The following TRPM3 variants were observed in gnomAD, a reference collection of about 807,000 sequenced individuals.
The protein encoded by TRPM3 is transient receptor potential cation channel subfamily M member 3, also known as long transient receptor potential channel 3.
In TRPM3, 77 loss-of-function variants were observed where a neutral mutation model predicts 181.2. The observed-to-expected ratio is 0.42, with a 90% CI of 0.35 to 0.51. The LOEUF (loss-of-function observed/expected upper bound fraction) is 0.51. Among genes scored for constraint, TRPM3 ranks in the 20% least tolerant of loss-of-function variants. The pLI is 0.01. For missense variants in TRPM3, 1,759 were observed against 2,196.7 expected, an observed-to-expected ratio of 0.80 and a Z score of 3.98; for synonymous variants, 745 against 796.4, an observed-to-expected ratio of 0.94 and a Z score of 1.09.
chr9:71,299,000 G>A (rs1482749664), intron 1 of TRPM3, among the ~76,000 whole-genome samples: 2 of 151,448 alleles, frequency 1.3e-5, no homozygotes, highest in African/African-American at 4.9e-5. Context: ...TAAAATAAAG[G>A]ATAAAAAAAG....
At chr9:70,887,508 T>C (rs10780982) in intron 1 of TRPM3, among the ~76,000 whole-genome samples, 1 of 151,980 alleles carries the variant, frequency 6.6e-6, no homozygotes. Flanking sequence ...TAAAATTTTA[T>C]GCTATGATAT....
chr9:71,370,047 C>A (rs1205166243), intron 1 of TRPM3, among the ~76,000 whole-genome samples: 1 of 152,122 alleles, frequency 6.6e-6, no homozygotes, highest in Admixed American at 6.5e-5. Context: ...TGCCACAAAC[C>A]ATACCCACAT....
At chr9:71,160,999 C>G (rs2076249204) in intron 1 of TRPM3, among the ~76,000 whole-genome samples, 1 of 152,104 alleles carries the variant, frequency 6.6e-6, no homozygotes, top group Admixed American at 6.6e-5. Context: ...TGGGAAGTTT[C>G]CTCCTTGCTG....
At chr9:70,869,149 A>C (rs2095729237) in intron 1 of TRPM3, 1 of 741,234 alleles carries the variant, frequency 1.3e-6, no homozygotes, top group Non-Finnish European at 1.6e-6. Context: ...AGACGTTTCA[A>C]GTAAGCAATG....
intron 9 of TRPM3, among the ~76,000 whole-genome samples, chr9:70,655,760 C>T (rs1339830118): frequency 6.6e-6 from 1 of 151,992 alleles, no homozygotes; most frequent in East Asian, 1.9e-4. Context: ...GAGTTGTTTC[C>T]TTCAGTATGC....
In TRPM3 at chr9:70,625,145, A is replaced by AC; in HGVS notation, c.1809+45dup. ...AGAAGCCACAACCCAAATCCCATAC[A>AC]CCCTAGTCCTCCCAGGAAGGGCCCC... On this transcript the variant is annotated intron_variant, in intron 14 of 25. Transcript: ENST00000677713. The surrounding 1 kb of genome is among the most constrained non-coding windows in gnomAD (Gnocchi z 4.8). The AC allele has an allele frequency of 6.2e-7, 1 of 1,603,248 alleles. No homozygotes were observed. The highest frequency in any genetic ancestry group is 1.1e-5 in the South Asian group (1 of 89,850).
chr9:70,658,416 C>A (rs2060660108), intron 9 of TRPM3, among the ~76,000 whole-genome samples: 1 of 151,982 alleles, frequency 6.6e-6, no homozygotes, highest in Admixed American at 6.6e-5. Flanking sequence ...CATAATTTGG[C>A]TTATTTGGTA....
At chr9:71,255,641 G>T (rs1022101323) in intron 1 of TRPM3, among the ~76,000 whole-genome samples, 1 of 152,178 alleles carries the variant, frequency 6.6e-6, no homozygotes, top group Admixed American at 6.5e-5. Context: ...AATTTCTTGA[G>T]TCTTTGTTGA....
intron 1 of TRPM3, among the ~76,000 whole-genome samples, chr9:71,211,361 GTTTTT>G (rs11400047): frequency 6.8e-6 from 1 of 146,514 alleles, no homozygotes; most frequent in Non-Finnish European, 1.5e-5. Flanking sequence ...ATATGATTGT[GTTTTT>G]TTTTTTTTAA....
chr9:70,698,356 T>C (rs1424275357), intron 8 of TRPM3, among the ~76,000 whole-genome samples: 1 of 152,214 alleles, frequency 6.6e-6, no homozygotes, highest in African/African-American at 2.4e-5. Context: ...ACTAGCTGTG[T>C]CTGCCCTTGA....
chr9:71,141,479 T>C (rs922791264), intron 1 of TRPM3, among the ~76,000 whole-genome samples: 7 of 152,242 alleles, frequency 4.6e-5, no homozygotes, highest in African/African-American at 1.7e-4. Flanking sequence ...ATTCTTTTAC[T>C]GATTATTTCA....
rs139701407 is a variant in TRPM3, at chr9:71,193,602, T to C, written c.183+253051A>G. Among the ~76,000 whole-genome samples the C allele has an allele frequency of 3.6e-4, 54 of 152,006 alleles. 1 individual carries two copies. In the East Asian group the frequency reaches 9.3e-3, roughly 26 times the overall value. ...TCTATTAATCTCCGAAACTGAAATT[T>C]ATCTATTAAATCTGTCCACAAAATC... is the stretch of plus-strand genomic sequence containing the variant. On this transcript the variant is annotated intron_variant, in intron 1 of 24. Coordinates refer to the TRPM3 transcript ENST00000357533.
intron 1 of TRPM3, among the ~76,000 whole-genome samples, chr9:71,418,170 A>G (rs553505986): frequency 6.6e-6 from 1 of 152,070 alleles, no homozygotes; most frequent in East Asian, 1.9e-4. Flanking sequence ...GGGTCCAAGT[A>G]CCAACTTCCA....
chr9:71,322,697 T>C (rs1044397303), intron 1 of TRPM3, among the ~76,000 whole-genome samples: 2 of 152,260 alleles, frequency 1.3e-5, no homozygotes, highest in Admixed American at 1.3e-4. Flanking sequence ...GTCCAGAATT[T>C]CATGAAAAAA....
chr9:70,824,999 A>G (rs1406876217), intron 6 of TRPM3: 2 of 152,104 alleles, frequency 1.3e-5, no homozygotes, highest in African/African-American at 2.4e-5. Flanking sequence ...GTCACTCCCT[A>G]CCCTCTAAGG....
chr9:70,910,353 T>G (rs1332457723), intron 1 of TRPM3, among the ~76,000 whole-genome samples: 1 of 152,084 alleles, frequency 6.6e-6, no homozygotes, highest in East Asian at 1.9e-4. Context: ...AATCATGGTA[T>G]TTGAAGTCAG....
chr9:71,190,307 A>G (rs1247210678), intron 1 of TRPM3, among the ~76,000 whole-genome samples: 1 of 151,892 alleles, frequency 6.6e-6, no homozygotes, highest in Non-Finnish European at 1.5e-5. Context: ...TCTATTTTTA[A>G]AGAACTTGTA....
chr9:71,351,333 C>T lies in TRPM3; in HGVS notation c.183+95320G>A, dbSNP rs73649723. 4.6e-3 allele frequency among the ~76,000 whole-genome samples: 701 copies of T among 152,222 alleles called. 3 individuals carry two copies. The highest frequency in any genetic ancestry group is 0.016 in the African/African-American group (676 of 41,524). On this transcript the variant is annotated intron_variant, in intron 1 of 24. Coordinates refer to the TRPM3 transcript ENST00000357533. ...AGCGTTAAGGCTGTAATTGGATTCA[C>T]GTGAACAAATTTAGCGATTGTTGCA... is the stretch of plus-strand genomic sequence containing the variant.
At chr9:71,397,919 C>T (rs2093239426) in intron 1 of TRPM3, among the ~76,000 whole-genome samples, 1 of 152,108 alleles carries the variant, frequency 6.6e-6, no homozygotes, top group South Asian at 2.1e-4. Flanking sequence ...TGGACTTTTT[C>T]CCAAGCCAAA....
Sources: allele counts gnomAD v4.1 joint callset (sites outside exome capture counted in the v4.1 genomes callset), GRCh38; gene constraint gnomAD v4.1.1; non-coding constraint Gnocchi (gnomAD v3.1); transcripts MANE v1.5; gene names NCBI Gene and HGNC (gene_info 2026-07-23, HGNC 2026-07-21).